SND1: variants seen among roughly 807,000 people sequenced by gnomAD.
The protein encoded by SND1 is staphylococcal nuclease and tudor domain containing 1.
A neutral mutation model predicts 121.7 loss-of-function variants in SND1; 38 were observed. The ratio of observed to expected loss-of-function variants is 0.31; its 90% CI spans 0.24 to 0.41. SND1 has a LOEUF of 0.41. Ranked by LOEUF, SND1 falls within the 10% of genes least tolerant of loss-of-function variation. SND1 has a pLI of 1.00. For missense variants in SND1, 868 were observed against 1,184.6 expected (o/e 0.73, Z 3.92); for synonymous variants, 401 against 447.4 (o/e 0.90, Z 1.31).
chr7:127,930,053 A>G (rs1396099987), intron 15 of SND1, among the ~76,000 whole-genome samples: 1 of 152,196 alleles, frequency 6.6e-6, no homozygotes, highest in Non-Finnish European at 1.5e-5. Context: ...CTGGCAAATA[A>G]TAGTTATTTA....
intron 11 of SND1, among the ~76,000 whole-genome samples, chr7:127,830,097 T>C (rs1036235133): frequency 2.0e-5 from 3 of 152,092 alleles, no homozygotes; most frequent in African/African-American, 7.2e-5. Context: ...AAGAAGGCCT[T>C]GGTGGCCGGG....
At chr7:128,077,670 GACAGCCTCTCCACAATAGCAGGCTTAGTA>G (rs1012340621) in intron 17 of SND1, among the ~76,000 whole-genome samples, 40 of 152,210 alleles carry the variant, frequency 2.6e-4, no homozygotes, top group Non-Finnish European at 4.6e-4. Context: ...AGTCAGCTGG[GACAGCCTCTCCACAATAGCAGGCTTAGTA>G]ACAGCCTCTC....
At chr7:127,769,414 T>G (rs1797475825) in intron 10 of SND1, among the ~76,000 whole-genome samples, 1 of 152,234 alleles carries the variant, frequency 6.6e-6, no homozygotes, top group Non-Finnish European at 1.5e-5. Flanking sequence ...GTGCTATTAC[T>G]TGGTGATTTC....
chr7:128,074,724 C>G (rs1016518291), intron 17 of SND1, 34 bp downstream of exon 17: 2 of 1,558,042 alleles, frequency 1.3e-6, no homozygotes, highest in Non-Finnish European at 1.7e-6. Context: ...CTCTCCCTGC[C>G]CTCCCGTCCT....
chr7:128,016,853 C>G (rs576136204), intron 16 of SND1, among the ~76,000 whole-genome samples: 1 of 152,318 alleles, frequency 6.6e-6, no homozygotes, highest in South Asian at 2.1e-4. Flanking sequence ...TTTCTTGTGT[C>G]TGACCAAATC....
intron 11 of SND1, among the ~76,000 whole-genome samples, chr7:127,820,329 G>A (rs1798524158): frequency 6.6e-6 from 1 of 152,092 alleles, no homozygotes; most frequent in Admixed American, 6.6e-5. Flanking sequence ...CTTGACATTA[G>A]CCAGGTGCTT....
intron 12 of SND1, among the ~76,000 whole-genome samples, 162 bp downstream of exon 12, chr7:127,844,586 C>T (rs1016214104): frequency 4.6e-5 from 7 of 152,132 alleles, no homozygotes; most frequent in Non-Finnish European, 8.8e-5. Context: ...TTTGTAAGTA[C>T]TTTATAATCA....
chr7:127,805,819 A>C (rs1798227321), intron 10 of SND1, among the ~76,000 whole-genome samples: 2 of 152,242 alleles, frequency 1.3e-5, no homozygotes, highest in South Asian at 4.1e-4. Context: ...GTTCGGCCAG[A>C]TTGGATAAGC....
intron 16 of SND1, among the ~76,000 whole-genome samples, chr7:128,059,255 C>A (rs1010872335): frequency 6.6e-6 from 1 of 152,182 alleles, no homozygotes; most frequent in Non-Finnish European, 1.5e-5. Flanking sequence ...TTGAACCCCC[C>A]TAGTACCTGC....
At chr7:127,846,337 T>C (rs3779530) in intron 12 of SND1, among the ~76,000 whole-genome samples, 101,978 of 152,044 alleles carry the variant, frequency 0.67, 35,097 homozygotes, top group East Asian at 0.92. Context: ...AGTACTCTTC[T>C]AGATACTTAA....
At chr7:127,816,662 CTTTTT>C (rs919893026) in intron 11 of SND1, among the ~76,000 whole-genome samples, 1 of 135,228 alleles carries the variant, frequency 7.4e-6, no homozygotes, top group Non-Finnish European at 1.6e-5. Context: ...TTCTCAAACT[CTTTTT>C]TTTTTTTTTT....
At chr7:127,911,180 TA>T (rs1203337389) in intron 14 of SND1, among the ~76,000 whole-genome samples, 1 of 152,208 alleles carries the variant, frequency 6.6e-6, no homozygotes, top group Non-Finnish European at 1.5e-5. Context: ...AAGCAAAGTT[TA>T]TTGAACTCTA....
Position 128,081,466 on chromosome 7 carries a change from A to G in SND1, c.2075A>G (p.Asp692Gly). 1 of 1,614,160 alleles carries G rather than the reference A, an allele frequency of 6.2e-7. No individual in the cohort carries two copies. The change falls in exon 18 of 24, where the codon GAT becomes GGT. Residue 692 changes from aspartate to glycine, a missense_variant. By Grantham distance (94) the Asp-to-Gly change is moderately conservative. Transcript: ENST00000354725. Reference protein sequence around the residue: ...YKPVFVTEITDDLHFYVQDVE... With the variant: ...YKPVFVTEITGDLHFYVQDVE... ...CCCGTGTTTGTGACTGAGATCACTG[A>G]TGACCTGCACTTCTACGTGCAGGAT... is the stretch of plus-strand genomic sequence containing the variant.
intron 10 of SND1, among the ~76,000 whole-genome samples, chr7:127,794,686 G>A (rs919849086): frequency 2.6e-5 from 4 of 152,168 alleles, no homozygotes; most frequent in Admixed American, 2.0e-4. Flanking sequence ...AGGGTTTGTG[G>A]CACATCCCTG....
At chr7:127,732,945 G>T (rs1406850272) in intron 10 of SND1, among the ~76,000 whole-genome samples, 8 of 152,270 alleles carry the variant, frequency 5.3e-5, no homozygotes, top group African/African-American at 1.9e-4. Context: ...GTGGCGGGAG[G>T]TTTCAAAACT....
At chr7:127,838,574 AT>A (rs1474570844) in intron 11 of SND1, among the ~76,000 whole-genome samples, 2 of 152,232 alleles carry the variant, frequency 1.3e-5, no homozygotes, top group Non-Finnish European at 2.9e-5. Flanking sequence ...AAAATATCCA[AT>A]AACTGGTAGC....
intron 4 of SND1, among the ~76,000 whole-genome samples, chr7:127,700,503 T>C (rs975526022): frequency 6.6e-6 from 1 of 152,224 alleles, no homozygotes; most frequent in African/African-American, 2.4e-5. Flanking sequence ...ATGCTGCCTT[T>C]AGCTCAGATA....
chr7:128,091,318 A>G (rs1793775681), intron 22 of SND1, among the ~76,000 whole-genome samples: 1 of 152,090 alleles, frequency 6.6e-6, no homozygotes, highest in South Asian at 2.1e-4. Context: ...TCCCTGGCCC[A>G]AGTGATCCTC....
At chr7:127,932,519 T>G (rs1317949978) in intron 15 of SND1, among the ~76,000 whole-genome samples, 1 of 152,236 alleles carries the variant, frequency 6.6e-6, no homozygotes, top group Non-Finnish European at 1.5e-5. Flanking sequence ...GAATATTACC[T>G]AAACTTGATG....
Sources: allele counts gnomAD v4.1 joint callset (sites outside exome capture counted in the v4.1 genomes callset), GRCh38; gene constraint gnomAD v4.1.1; transcripts MANE v1.5; gene names NCBI Gene and HGNC (gene_info 2026-07-23, HGNC 2026-07-21).